CTNNA3: variants seen among roughly 807,000 people sequenced by gnomAD.
CTNNA3 encodes catenin alpha-3.
In CTNNA3, 76 loss-of-function variants were observed where a neutral mutation model predicts 95.7. That is an observed-to-expected ratio of 0.79 (90% CI 0.66 to 0.96). CTNNA3 has a LOEUF of 0.96. Ranked by LOEUF, CTNNA3 falls within the 40% of genes least tolerant of loss-of-function variation. CTNNA3 has a pLI of 0.00. For synonymous variants in CTNNA3, 431 were observed against 374.4 expected (o/e 1.15, Z -1.74); for missense variants, 1,191 against 1,089.8 (o/e 1.09, Z -1.31).
intron 12 of CTNNA3, among the ~76,000 whole-genome samples, chr10:66,347,607 C>G (rs1237374360): frequency 6.6e-6 from 1 of 151,032 alleles, no homozygotes; most frequent in Non-Finnish European, 1.5e-5. Flanking sequence ...GAGTGAGAAC[C>G]TATCTTAAAA....
At chr10:67,106,156 A>G (rs146957467) in intron 7 of CTNNA3, among the ~76,000 whole-genome samples, 25 of 152,292 alleles carry the variant, frequency 1.6e-4, no homozygotes, top group African/African-American at 5.8e-4. Context: ...AAATGTGTGA[A>G]CTTGACATGA....
chr10:66,009,500 C>A (rs1359677349), intron 15 of CTNNA3, among the ~76,000 whole-genome samples: 1 of 152,028 alleles, frequency 6.6e-6, no homozygotes, highest in African/African-American at 2.4e-5. Flanking sequence ...GGGAAGGCTA[C>A]AATGTTTACG....
intron 5 of CTNNA3, among the ~76,000 whole-genome samples, chr10:67,371,339 C>T (rs1226024299): frequency 6.6e-6 from 1 of 151,286 alleles, no homozygotes; most frequent in Non-Finnish European, 1.5e-5. Flanking sequence ...ATTAACTCGT[C>T]ATTTACATTA....
chr10:67,538,216 T>C lies in CTNNA3; in HGVS notation c.459+1287A>G, dbSNP rs1427372084. 3.6e-5 allele frequency among the ~76,000 whole-genome samples: 4 copies of C among 110,782 alleles called. No individual in the cohort carries two copies. In the Middle Eastern group the frequency reaches 0.018, roughly 495 times the overall value. The allele number at this position is 110,782 out of a possible 152,430, so 72.7% of individuals were successfully genotyped here. On this transcript the variant is annotated intron_variant, in intron 4 of 17. Transcript: ENST00000433211. ...TGCTGTTTTTACAGTAATAAAACTATCAAAAGAAAAAAATGAAAGTACACA... is the reference window on the plus strand; with the variant it reads ...TGCTGTTTTTACAGTAATAAAACTACCAAAAGAAAAAAATGAAAGTACACA...
chr10:67,720,124 C>T (rs1333313005), intron 1 of CTNNA3, among the ~76,000 whole-genome samples: 1 of 6,700 alleles, frequency 1.5e-4, no homozygotes. Flanking sequence ...GGATTGCAAC[C>T]CCTGCTTTTT....
intron 7 of CTNNA3, among the ~76,000 whole-genome samples, chr10:67,055,224 A>G (rs897715109): frequency 7.9e-5 from 12 of 152,312 alleles, no homozygotes; most frequent in South Asian, 4.1e-4. Context: ...CACATGGAAC[A>G]TAAGTTTGTT....
intron 7 of CTNNA3, among the ~76,000 whole-genome samples, chr10:66,791,075 C>A (rs1319729887): frequency 6.6e-6 from 1 of 152,190 alleles, no homozygotes; most frequent in African/African-American, 2.4e-5. Context: ...CTAGCCCCCA[C>A]TCTACAGCCA....
chr10:66,943,181 T>C (rs1478900246), intron 7 of CTNNA3, among the ~76,000 whole-genome samples: 1 of 152,176 alleles, frequency 6.6e-6, no homozygotes, highest in Non-Finnish European at 1.5e-5. Flanking sequence ...TTTAAAGACT[T>C]TGAAAAGAGC....
chr10:66,448,743 G>T (rs1326646348), intron 11 of CTNNA3, among the ~76,000 whole-genome samples: 1 of 151,584 alleles, frequency 6.6e-6, no homozygotes, highest in Non-Finnish European at 1.5e-5. Flanking sequence ...CGAGTTAATG[G>T]GTGCAGCACA....
At position 66,081,756 on chromosome 10, in the gene CTNNA3, G is replaced by T. The variant is rs111563331; in HGVS notation, c.1978-12267C>A. Among the ~76,000 whole-genome samples the T allele has an allele frequency of 3.6e-3, 547 of 152,230 alleles. 2 individuals are homozygous for T. Among genetic ancestry groups the T allele is most frequent in the African/African-American group, 0.012 (495 of 41,542 alleles). ...ACCACAGTAATTATTCTTTGGCAAG[G>T]TTCATTGATGGAGATTAAAATTTAT... On this transcript the variant is annotated intron_variant, in intron 14 of 17. Transcript: ENST00000433211.
chr10:67,727,034 A>G (rs1841235796), intron 1 of CTNNA3, among the ~76,000 whole-genome samples: 1 of 113,882 alleles, frequency 8.8e-6, no homozygotes, highest in African/African-American at 3.7e-5. Context: ...ATTATATATA[A>G]TATATGATAC....
chr10:66,600,624 A>G (rs1458668008), intron 10 of CTNNA3, among the ~76,000 whole-genome samples: 1 of 151,830 alleles, frequency 6.6e-6, no homozygotes, highest in Non-Finnish European at 1.5e-5. Flanking sequence ...TTTGCTGTGT[A>G]ATCTTACAGA....
At chr10:66,128,579 A>C (rs1041578998) in intron 13 of CTNNA3, among the ~76,000 whole-genome samples, 2 of 152,236 alleles carry the variant, frequency 1.3e-5, no homozygotes, top group Non-Finnish European at 2.9e-5. Flanking sequence ...GATTCCAACT[A>C]TATGACATTC....
Position 66,279,264 on chromosome 10 carries a change from G to C in CTNNA3, c.1884+1206C>G, listed in dbSNP as rs181483121. On this transcript the variant is annotated intron_variant, in intron 13 of 17. Coordinates refer to ENST00000433211, the MANE Select transcript of CTNNA3 (RefSeq NM_013266.4). Reference sequence around the variant, plus strand: ...TAGCCAGTGACATTCAGGCCTATCAGATATTAATACTACTGATGCTCCACT... The same window carrying C: ...TAGCCAGTGACATTCAGGCCTATCACATATTAATACTACTGATGCTCCACT... Among the ~76,000 whole-genome samples the C allele has an allele frequency of 4.3e-4, 66 of 152,096 alleles. 1 individual carries two copies. The highest frequency in any genetic ancestry group is 3.4e-3 in the Middle Eastern group (1 of 294).
chr10:67,439,702 G>A (rs1846428136), intron 5 of CTNNA3, among the ~76,000 whole-genome samples: 1 of 152,128 alleles, frequency 6.6e-6, no homozygotes, highest in South Asian at 2.1e-4. Flanking sequence ...TAGCTCCTGG[G>A]CAACATTTCT....
rs60519700 is a variant in CTNNA3, at chr10:67,593,742, AT to A, written c.292+13114del. Among the ~76,000 whole-genome samples, 25 of 151,372 alleles carry A rather than the reference AT, an allele frequency of 1.7e-4. No individual in the cohort carries two copies. In the South Asian group the frequency reaches 1.7e-3, roughly 10 times the overall value. On this transcript the variant is annotated intron_variant, in intron 3 of 17. Coordinates refer to ENST00000433211, the MANE Select transcript of CTNNA3 (RefSeq NM_013266.4). ...AATTCCTCTCTTCCTACTTGGATAC[AT>A]TTTTTTTTCTTTCTCTTGACTGATT... is the stretch of plus-strand genomic sequence containing the variant.
At chr10:66,382,609 G>A (rs2092850653) in intron 11 of CTNNA3, among the ~76,000 whole-genome samples, 1 of 152,172 alleles carries the variant, frequency 6.6e-6, no homozygotes, top group South Asian at 2.1e-4. Flanking sequence ...GTTGAGCTCT[G>A]AGAATGGACA....
intron 7 of CTNNA3, among the ~76,000 whole-genome samples, chr10:66,919,364 T>C (rs1395311146): frequency 6.6e-6 from 1 of 152,186 alleles, no homozygotes; most frequent in Non-Finnish European, 1.5e-5. Flanking sequence ...CTTGAAGTCA[T>C]ATAGTCTTTT....
intron 13 of CTNNA3, among the ~76,000 whole-genome samples, chr10:66,228,797 T>C (rs2089448763): frequency 6.6e-6 from 1 of 152,142 alleles, no homozygotes. Context: ...GTTCTAATAG[T>C]ATTTGCTTCA....
Sources: gnomAD v4.1 joint callset for allele counts (sites outside exome capture counted in the v4.1 genomes callset) on GRCh38, gnomAD v4.1.1 for gene constraint, MANE v1.5 for transcripts, NCBI Gene and HGNC (gene_info 2026-07-23, HGNC 2026-07-21) for gene names.